Variants in TULP1 observed in about 807,000 individuals in gnomAD.
The protein encoded by TULP1 is tubby-related protein 1.
Under a neutral mutation model 67.1 loss-of-function variants are expected in TULP1, and 50 were observed. The ratio of observed to expected loss-of-function variants is 0.75; its 90% confidence interval spans 0.59 to 0.94. The LOEUF is 0.94. Ranked by LOEUF, TULP1 falls within the 40% of genes least tolerant of loss-of-function variation. The probability of loss-of-function intolerance (pLI) is 0.00; values close to 1 mark genes in which losing one functional copy is unlikely to be tolerated. For missense variants in TULP1, 746 were observed against 734.1 expected (o/e 1.02, Z -0.19); for synonymous variants, 297 against 294.0 (o/e 1.01, Z -0.11).
At chr6:35,502,668 T>C (rs1285888350) in intron 13 of TULP1, among the ~76,000 whole-genome samples, 2 of 151,568 alleles carry the variant, frequency 1.3e-5, no homozygotes, top group African/African-American at 4.9e-5. Context: ...CCGGCTAATT[T>C]TTGTATATTT....
intron 11 of TULP1, among the ~76,000 whole-genome samples, chr6:35,504,470 A>C (rs1024998942): frequency 6.6e-6 from 1 of 152,224 alleles, no homozygotes; most frequent in Non-Finnish European, 1.5e-5. Flanking sequence ...CTGAGCCCCA[A>C]CTTCCCCATC....
chr6:35,497,977 C>T lies in TULP1; in HGVS notation c.*350G>A. 2.5e-6 allele frequency: 1 copy of T among 406,492 alleles called. No homozygotes were observed. The highest frequency in any genetic ancestry group is 4.6e-6 in the Non-Finnish European group (1 of 217,734). The allele number at this position is 406,492 out of a possible 1,614,324, so 25.2% of individuals were successfully genotyped here. A position where few individuals can be genotyped will look rare whatever the true frequency, so the allele number is the denominator to read the frequency against. On this transcript the variant is annotated 3_prime_UTR_variant, in exon 15 of 15. Transcript: ENST00000229771. ...GCCCCAGCTCCTCGGAGCCCTAGCG[C>T]GGTCCCGGGGAGAGGGGAGGTTAAA...
At chr6:35,504,116 A>G (rs1348135609) in intron 11 of TULP1, 3 of 416,850 alleles carry the variant, frequency 7.2e-6, no homozygotes, top group Admixed American at 3.7e-5. Context: ...AGGAGTTGGA[A>G]ACCAGCCTGG....
At chr6:35,508,463 A>T (rs1465224014) in intron 8 of TULP1, among the ~76,000 whole-genome samples, 1 of 152,188 alleles carries the variant, frequency 6.6e-6, no homozygotes, top group Non-Finnish European at 1.5e-5. Flanking sequence ...CCACTCCTGC[A>T]CAAACTAATA....
Position 35,510,655 on chromosome 6 carries a change from G to A in TULP1, c.499+206C>T, listed in dbSNP as rs941950251. On this transcript the variant is annotated intron_variant, in intron 5 of 14. Coordinates refer to ENST00000229771, the MANE Select transcript of TULP1 (RefSeq NM_003322.6). ...TGCCTCACAGAGCTCAAGGGGCAGG[G>A]GCAGTGGGGCCAGGGGTGGAGGCAT... 9.4e-6 allele frequency: 10 copies of A among 1,064,328 alleles called. No individual in the cohort carries two copies. In the African/African-American group the frequency reaches 1.1e-4, roughly 12 times the overall value. 65.9% of individuals were successfully genotyped at this position (1,064,328 alleles called of 1,614,324 possible).
chr6:35,502,493 C>G (rs1396354119), intron 13 of TULP1, among the ~76,000 whole-genome samples: 1 of 147,070 alleles, frequency 6.8e-6, no homozygotes, highest in African/African-American at 2.5e-5. Flanking sequence ...TGGCTGGCAA[C>G]ATTTTTTTTT....
At position 35,503,064 on chromosome 6, in the gene TULP1, A is replaced by G. The variant is rs1299506684; in HGVS notation, c.1323+495T>C. ...GCCATTCTCCTGCCTCAGCCTCCCA[A>G]GTAGCTGGGACTATAGGCGCCCGCC... On this transcript the variant is annotated intron_variant, in intron 13 of 14. Coordinates refer to ENST00000229771, the MANE Select transcript of TULP1 (RefSeq NM_003322.6). The surrounding 1 kb of genome is among the most constrained non-coding windows in gnomAD (Gnocchi z 4.0). Among the ~76,000 whole-genome samples the G allele has an allele frequency of 1.3e-5, 2 of 151,874 alleles. No homozygotes were observed. The highest frequency in any genetic ancestry group is 2.9e-5 in the Non-Finnish European group (2 of 67,988).
At position 35,512,838 on chromosome 6, in the gene TULP1, G is replaced by A; in HGVS notation, c.21C>T (p.Thr7=). ...TGTCAGAGGCCCACACCTCTCGGAGGGTTTCATCCCGCAGAGGCATGGTGC... is the reference window on the plus strand; with the variant it reads ...TGTCAGAGGCCCACACCTCTCGGAGAGTTTCATCCCGCAGAGGCATGGTGC... MPLRDE[T]LREVWASDSG... is the part of the protein sequence containing the mutation. Residue 7 remains threonine (T), a synonymous_variant, in exon 1 of 15, where the codon ACC becomes ACT. Transcript: ENST00000229771. 1 of 1,612,920 alleles carries A rather than the reference G, an allele frequency of 6.2e-7. No individual in the cohort carries two copies. Among genetic ancestry groups the A allele is most frequent in the South Asian group, 1.1e-5 (1 of 91,052 alleles).
intron 11 of TULP1, 65 bp downstream of exon 11, chr6:35,505,676 A>G: frequency 6.3e-7 from 1 of 1,596,502 alleles, no homozygotes; most frequent in Non-Finnish European, 8.5e-7. Context: ...ACAGCAGGAC[A>G]GAGATGACGG....
intron 7 of TULP1, 117 bp from the exon 8 acceptor site, chr6:35,509,429 T>C: frequency 8.6e-7 from 1 of 1,160,050 alleles, no homozygotes; most frequent in Non-Finnish European, 1.3e-6. Context: ...GACCCCATGT[T>C]ATTATTAGAG....
intron 7 of TULP1, 57 bp from the exon 8 acceptor site, chr6:35,509,369 T>C (rs1392141998): frequency 3.3e-6 from 5 of 1,524,922 alleles, no homozygotes; most frequent in Non-Finnish European, 4.5e-6. Context: ...TGCAAAGTGC[T>C]TCCAACACCC....
intron 14 of TULP1, among the ~76,000 whole-genome samples, chr6:35,499,389 C>T (rs890924374): frequency 6.6e-6 from 1 of 152,184 alleles, no homozygotes; most frequent in Non-Finnish European, 1.5e-5. Context: ...GTGATGTGAC[C>T]GTGGGCAAGT....
At chr6:35,508,278 T>C (rs1453182693) in intron 8 of TULP1, among the ~76,000 whole-genome samples, 1 of 152,224 alleles carries the variant, frequency 6.6e-6, no homozygotes, top group African/African-American at 2.4e-5. Flanking sequence ...GAACACGATG[T>C]GGAGAAAGCC....
Position 35,506,274 on chromosome 6 carries a change from C to A in TULP1, c.828G>T (p.Ala276=). The change falls in exon 9 of 15, where the codon GCG becomes GCT. Residue 276 remains alanine (A), a splice_region_variant and synonymous_variant. Coordinates refer to ENST00000229771, the MANE Select transcript of TULP1 (RefSeq NM_003322.6). ...CGGGCAGCCCGGCAGGACAACTCACCGCTTTCTGTGTGCGGAGAGAACAGA... is the reference window on the plus strand; with the variant it reads ...CGGGCAGCCCGGCAGGACAACTCACAGCTTTCTGTGTGCGGAGAGAACAGA... ...GKAKGKGKKK[A]KEERAPSPPV... 2 of 1,582,414 alleles carry A rather than the reference C, an allele frequency of 1.3e-6. No homozygotes were observed. Among genetic ancestry groups the A allele is most frequent in the Non-Finnish European group, 1.7e-6 (2 of 1,164,396 alleles).
chr6:35,504,226 C>A, intron 11 of TULP1: 1 of 269,874 alleles, frequency 3.7e-6, no homozygotes. Flanking sequence ...GTAGTCCCAG[C>A]TACTCAGGAG....
chr6:35,498,542 G>T lies in TULP1; in HGVS notation c.1496-82C>A. ...GCAGACAGTGCCCTCAACCTTGGGG[G>T]CAGTCTGTCCCTTGCCTTGGGGCTC... On this transcript the variant is annotated intron_variant, in intron 14 of 14. Transcript: ENST00000229771. This position sits in a 1 kb window ranked among gnomAD's most constrained non-coding sequence, Gnocchi z 6.7. 6.3e-7 allele frequency: 1 copy of T among 1,596,544 alleles called. No individual in the cohort carries two copies. The highest frequency in any genetic ancestry group is 8.5e-7 in the Non-Finnish European group (1 of 1,171,794).
chr6:35,511,574 G>C (rs963211469), intron 4 of TULP1, 74 bp downstream of exon 4: 6 of 1,552,546 alleles, frequency 3.9e-6, no homozygotes, highest in East Asian at 2.4e-5. Context: ...TCTCTGGGCC[G>C]TTCCCGTCCA....
At position 35,512,263 on chromosome 6, in the gene TULP1, G is replaced by A; in HGVS notation, c.107C>T (p.Ala36Val). The A allele has an allele frequency of 7.2e-7, 1 of 1,397,888 alleles. No individual in the cohort carries two copies. Among genetic ancestry groups the A allele is most frequent in the Non-Finnish European group, 9.3e-7 (1 of 1,074,380 alleles). The allele number at this position is 1,397,888 out of a possible 1,614,324, so 86.6% of individuals were successfully genotyped here. ...EAPRRPKQRP[A>V]PAQRLRKKRT... ...CTTCTTCCTTAGCCTCTGTGCCGGG[G>A]CGGGTCGCTGCGGAACGGGGGTCAA... The change falls in exon 3 of 15, where the codon GCC becomes GTC. Residue 36 changes from alanine (A) to valine (V), a missense_variant. Ala to Val is a moderately conservative substitution (Grantham distance 64). Transcript: ENST00000229771.
At chr6:35,510,083 T>G (rs368490072) in intron 5 of TULP1, among the ~76,000 whole-genome samples, 155 bp from the exon 6 acceptor site, 32 of 151,740 alleles carry the variant, frequency 2.1e-4, no homozygotes, top group African/African-American at 7.5e-4. Context: ...TTTGAGACAG[T>G]CTCACTGTTG....
Sources: gnomAD v4.1 joint callset for allele counts (sites outside exome capture counted in the v4.1 genomes callset) on GRCh38, gnomAD v4.1.1 for gene constraint, Gnocchi (gnomAD v3.1) non-coding constraint, MANE v1.5 for transcripts, NCBI Gene and HGNC (gene_info 2026-07-23, HGNC 2026-07-21) for gene names.